The following LCLAT1 variants were observed in gnomAD, a reference collection of about 807,000 sequenced individuals.
The protein encoded by LCLAT1 is 1-AGP acyltransferase 8.
LCLAT1 carries 11 observed loss-of-function variants against 30.7 expected under a neutral mutation model. The observed-to-expected ratio is 0.36, with a 90% CI of 0.23 to 0.59. The LOEUF is 0.59. LCLAT1 is among the 20% of genes least tolerant of loss of function. The pLI is 0.77. For missense variants in LCLAT1, 402 were observed against 458.6 expected (o/e 0.88, Z 1.13); for synonymous variants, 155 against 151.3 (o/e 1.02, Z -0.18).
chr2:30,635,842 A>G (rs552210785), intron 5 of LCLAT1, among the ~76,000 whole-genome samples: 50 of 152,244 alleles, frequency 3.3e-4, no homozygotes, highest in African/African-American at 7.5e-4. Flanking sequence ...ATTATCTTCT[A>G]TATTTTTAGA....
At chr2:30,541,707 G>A (rs1000279294) in intron 3 of LCLAT1, among the ~76,000 whole-genome samples, 3 of 151,976 alleles carry the variant, frequency 2.0e-5, no homozygotes, top group East Asian at 1.9e-4. Flanking sequence ...ATTGCATACC[G>A]TCATGTAACT....
At chr2:30,570,728 A>G (rs13392757) in intron 5 of LCLAT1, among the ~76,000 whole-genome samples, 32,486 of 152,086 alleles carry the variant, frequency 0.21, 3,788 homozygotes, top group African/African-American at 0.3. Context: ...AAAGAGTTAA[A>G]TAGGAAAAGA....
chr2:30,631,011 T>A (rs1157595316), intron 5 of LCLAT1, among the ~76,000 whole-genome samples: 1 of 152,218 alleles, frequency 6.6e-6, no homozygotes, highest in Non-Finnish European at 1.5e-5. Context: ...TCCCACCAGT[T>A]GATACTGTAT....
rs1037746078 is a variant in LCLAT1 at position 30,513,782 on chromosome 2, A to G, written c.-4-11805A>G. The stretch of plus-strand genomic sequence containing the variant: ...CTAATCAGAAACTCAAAAGAATGCA[A>G]CCATTTGTCTCTTATCTACCTATGA... On this transcript the variant is annotated intron_variant, in intron 1 of 5. Coordinates refer to ENST00000379509, the MANE Select transcript of LCLAT1 (RefSeq NM_001002257.3). Among the ~76,000 whole-genome samples, 15 of 152,072 alleles carry G rather than the reference A, an allele frequency of 9.9e-5. No homozygotes were observed. In the East Asian group the frequency reaches 2.1e-3, roughly 22 times the overall value.
chr2:30,461,777 T>C (rs1682146976), intron 1 of LCLAT1, among the ~76,000 whole-genome samples: 1 of 143,536 alleles, frequency 7.0e-6, no homozygotes. Flanking sequence ...AAACTTTTTT[T>C]TTTTTTTTTT....
At chr2:30,614,646 G>T (rs956893177) in intron 5 of LCLAT1, among the ~76,000 whole-genome samples, 1 of 152,170 alleles carries the variant, frequency 6.6e-6, no homozygotes, top group Non-Finnish European at 1.5e-5. Flanking sequence ...CTACTTATTA[G>T]ATATCCATAG....
At chr2:30,595,654 G>A (rs983117538) in intron 5 of LCLAT1, among the ~76,000 whole-genome samples, 2 of 152,142 alleles carry the variant, frequency 1.3e-5, no homozygotes, top group African/African-American at 4.8e-5. Flanking sequence ...TTTATTTTAA[G>A]TTCCAGGGTA....
intron 1 of LCLAT1, among the ~76,000 whole-genome samples, chr2:30,505,227 A>G (rs1278341368): frequency 1.3e-5 from 2 of 152,008 alleles, no homozygotes; most frequent in Non-Finnish European, 1.5e-5. Context: ...AGCAATACCT[A>G]CTTATCAGTT....
At chr2:30,613,506 G>A (rs994088807) in intron 5 of LCLAT1, among the ~76,000 whole-genome samples, 26 of 151,780 alleles carry the variant, frequency 1.7e-4, no homozygotes, top group Non-Finnish European at 3.5e-4. Flanking sequence ...ACCTGTGGGT[G>A]TTTCTCGTAA....
chr2:30,553,400 A>C (rs1302504685), intron 3 of LCLAT1, among the ~76,000 whole-genome samples: 3 of 152,218 alleles, frequency 2.0e-5, no homozygotes, highest in Non-Finnish European at 4.4e-5. Flanking sequence ...TTTAGAAAGA[A>C]GATGGTGGTA....
intron 1 of LCLAT1, among the ~76,000 whole-genome samples, chr2:30,468,402 T>G (rs1412127602): frequency 6.6e-6 from 1 of 152,226 alleles, no homozygotes; most frequent in East Asian, 1.9e-4. Context: ...TTTGTTCTTT[T>G]GGCTTAGGAT....
At chr2:30,540,870 T>C (rs1326156078) in intron 3 of LCLAT1, among the ~76,000 whole-genome samples, 2 of 151,970 alleles carry the variant, frequency 1.3e-5, no homozygotes, top group Non-Finnish European at 2.9e-5. Context: ...TAACCATGTT[T>C]GCCAAGCTGG....
intron 1 of LCLAT1, among the ~76,000 whole-genome samples, chr2:30,471,903 A>G (rs1682814171): frequency 6.6e-6 from 1 of 152,188 alleles, no homozygotes; most frequent in Non-Finnish European, 1.5e-5. Context: ...ACAATGTTGA[A>G]TAACAGTGGT....
chr2:30,459,002 C>T (rs946646692), intron 1 of LCLAT1, among the ~76,000 whole-genome samples: 2 of 152,178 alleles, frequency 1.3e-5, no homozygotes, highest in South Asian at 2.1e-4. Context: ...CTACTGCAAA[C>T]GTATTTTAAA....
At chr2:30,508,374 G>A (rs1196709014) in intron 1 of LCLAT1, among the ~76,000 whole-genome samples, 1 of 152,092 alleles carries the variant, frequency 6.6e-6, no homozygotes, top group East Asian at 1.9e-4. Context: ...GTCCAGAATA[G>A]TATTGCCTTC....
intron 1 of LCLAT1, among the ~76,000 whole-genome samples, chr2:30,455,252 T>G (rs1681774474): frequency 6.6e-6 from 1 of 152,238 alleles, no homozygotes; most frequent in South Asian, 2.1e-4. Flanking sequence ...GTATTTGTAC[T>G]TCAGACTAGT....
At chr2:30,621,648 T>C (rs1159956858) in intron 5 of LCLAT1, among the ~76,000 whole-genome samples, 1 of 151,988 alleles carries the variant, frequency 6.6e-6, no homozygotes, top group Non-Finnish European at 1.5e-5. Context: ...AACCCGAAGG[T>C]CCAGATCTTG....
chr2:30,500,701 C>A (rs1352094570), intron 1 of LCLAT1, among the ~76,000 whole-genome samples: 2 of 152,106 alleles, frequency 1.3e-5, no homozygotes, highest in African/African-American at 4.8e-5. Context: ...AAGAGGGAAA[C>A]CGATTTAAAT....
At chr2:30,561,904 C>G (rs1171494516) in intron 3 of LCLAT1, among the ~76,000 whole-genome samples, 2 of 152,104 alleles carry the variant, frequency 1.3e-5, no homozygotes, top group African/African-American at 2.4e-5. Flanking sequence ...CTAGTTTTCG[C>G]TTGAAAAGAT....
Sources: gnomAD v4.1 joint callset for allele counts (sites outside exome capture counted in the v4.1 genomes callset) on GRCh38, gnomAD v4.1.1 for gene constraint, MANE v1.5 for transcripts, NCBI Gene and HGNC (gene_info 2026-07-23, HGNC 2026-07-21) for gene names.